Variants in ZRANB3 observed in about 807,000 individuals in gnomAD.
ZRANB3 encodes zinc finger RANBP2-type containing 3, also known as DNA annealing helicase and endonuclease ZRANB3.
In ZRANB3, 125 loss-of-function variants were observed where a neutral mutation model predicts 133.8. The observed-to-expected ratio is 0.93, with a 90% CI of 0.81 to 1.08. The LOEUF (loss-of-function observed/expected upper bound fraction) is 1.08. Ranked by LOEUF, ZRANB3 falls within the 50% of genes least tolerant of loss-of-function variation. The pLI, the probability that ZRANB3 is intolerant of heterozygous loss-of-function variation, is 0.00. For missense variants in ZRANB3, 1,229 were observed against 1,275.5 expected (o/e 0.96, Z 0.56); for synonymous variants, 387 against 432.7 (o/e 0.89, Z 1.31).
At chr2:135,238,184 G>T (rs1324268558) in intron 12 of ZRANB3, among the ~76,000 whole-genome samples, 1 of 152,194 alleles carries the variant, frequency 6.6e-6, no homozygotes. Flanking sequence ...CAGAGGTGGA[G>T]TTGGGAACTA....
intron 6 of ZRANB3, among the ~76,000 whole-genome samples, chr2:135,333,686 G>T (rs930063109): frequency 6.6e-6 from 1 of 152,136 alleles, no homozygotes; most frequent in African/African-American, 2.4e-5. Context: ...AATCTGTAAT[G>T]ATGAAAAAGT....
chr2:135,273,227 C>T (rs1680626136), intron 9 of ZRANB3, among the ~76,000 whole-genome samples: 1 of 150,496 alleles, frequency 6.6e-6, no homozygotes, highest in African/African-American at 2.4e-5. Context: ...AATCATTATT[C>T]AACTTCTAAA....
intron 3 of ZRANB3, among the ~76,000 whole-genome samples, chr2:135,375,622 T>C (rs536075536): frequency 1.1e-4 from 17 of 152,024 alleles, no homozygotes; most frequent in African/African-American, 3.4e-4. Context: ...GAGGCGGAGC[T>C]TGCAGTGAGC....
chr2:135,206,651 G>C (rs1366366144), intron 19 of ZRANB3, among the ~76,000 whole-genome samples: 1 of 149,512 alleles, frequency 6.7e-6, no homozygotes, highest in Admixed American at 6.8e-5. Flanking sequence ...AAAAGAAAGA[G>C]AGGAAAGGAA....
At chr2:135,347,083 T>C (rs1298750398) in intron 5 of ZRANB3, among the ~76,000 whole-genome samples, 3 of 152,214 alleles carry the variant, frequency 2.0e-5, no homozygotes, top group Non-Finnish European at 4.4e-5. Context: ...GCATAGTGCT[T>C]TCAAAGTTAA....
intron 10 of ZRANB3, among the ~76,000 whole-genome samples, chr2:135,270,794 A>G (rs1680476744): frequency 6.6e-6 from 1 of 152,222 alleles, no homozygotes; most frequent in African/African-American, 2.4e-5. Flanking sequence ...GGCATGTACC[A>G]GCTTGGCTGA....
chr2:135,380,490 G>C (rs1686641029), intron 3 of ZRANB3, among the ~76,000 whole-genome samples: 1 of 152,162 alleles, frequency 6.6e-6, no homozygotes, highest in African/African-American at 2.4e-5. Flanking sequence ...AATCAAATTA[G>C]AATTCAGGAT....
intron 19 of ZRANB3, among the ~76,000 whole-genome samples, chr2:135,203,612 C>CA (rs1051712787): frequency 0.3 from 18,033 of 61,042 alleles, 2,735 homozygotes; most frequent in African/African-American, 0.48. Flanking sequence ...GACTCGGTCT[C>CA]AAAAAAAAAA....
intron 2 of ZRANB3, among the ~76,000 whole-genome samples, chr2:135,422,425 T>C (rs1431025754): frequency 6.6e-6 from 1 of 152,042 alleles, no homozygotes; most frequent in Non-Finnish European, 1.5e-5. Context: ...TGTCTGCTGG[T>C]TGAAAATATT....
At chr2:135,436,482 G>T (rs888510799) in intron 2 of ZRANB3, among the ~76,000 whole-genome samples, 1 of 152,032 alleles carries the variant, frequency 6.6e-6, no homozygotes, top group African/African-American at 2.4e-5. Context: ...GCCAAACCAA[G>T]AGCCAAATCA....
chr2:135,418,614 T>C (rs887360197), intron 2 of ZRANB3, among the ~76,000 whole-genome samples: 3 of 152,202 alleles, frequency 2.0e-5, no homozygotes, highest in Admixed American at 2.0e-4. Context: ...TTAGGACTTA[T>C]ATATGGGTGG....
chr2:135,349,825 C>T (rs1206260829), intron 5 of ZRANB3, among the ~76,000 whole-genome samples, 159 bp downstream of exon 5: 1 of 152,112 alleles, frequency 6.6e-6, no homozygotes, highest in Non-Finnish European at 1.5e-5. Flanking sequence ...TTAAAATAGC[C>T]ATGATAAAAC....
At chr2:135,360,316 G>A (rs1356261579) in intron 3 of ZRANB3, among the ~76,000 whole-genome samples, 1 of 152,058 alleles carries the variant, frequency 6.6e-6, no homozygotes, top group African/African-American at 2.4e-5. Context: ...GGGAGGCGGA[G>A]GTTGCAGTGA....
chr2:135,398,521 C>CTTTTTTTTTTTTTT (rs374119156), intron 2 of ZRANB3, among the ~76,000 whole-genome samples: 1 of 123,910 alleles, frequency 8.1e-6, no homozygotes, highest in Non-Finnish European at 1.6e-5. Context: ...TCTTTTGTCA[C>CTTTTTTTTTTTTTT]TTTTTTTTTT....
At chr2:135,268,781 AGAG>A (rs555246401) in intron 11 of ZRANB3, among the ~76,000 whole-genome samples, 178 bp downstream of exon 11, 91 of 152,240 alleles carry the variant, frequency 6.0e-4, no homozygotes, top group African/African-American at 1.8e-3. Flanking sequence ...CTCTTATTAC[AGAG>A]GAGAGCAGAC....
intron 2 of ZRANB3, among the ~76,000 whole-genome samples, chr2:135,497,778 C>T (rs1012746759): frequency 2.6e-5 from 4 of 152,052 alleles, no homozygotes; most frequent in Non-Finnish European, 5.9e-5. Flanking sequence ...TGAGGCTGAG[C>T]GCGGTGGCTC....
intron 2 of ZRANB3, among the ~76,000 whole-genome samples, chr2:135,406,910 A>G (rs777510073): frequency 3.9e-5 from 6 of 152,224 alleles, no homozygotes; most frequent in Non-Finnish European, 8.8e-5. Context: ...AAAACATGGC[A>G]CAAGACAGGG....
At chr2:135,254,710 C>T (rs1297047274) in intron 12 of ZRANB3, among the ~76,000 whole-genome samples, 1 of 152,074 alleles carries the variant, frequency 6.6e-6, no homozygotes, top group Non-Finnish European at 1.5e-5. Flanking sequence ...TTAGTATATT[C>T]AGACTTTGGC....
At chr2:135,449,579 C>T (rs771911385) in intron 2 of ZRANB3, among the ~76,000 whole-genome samples, 2 of 152,126 alleles carry the variant, frequency 1.3e-5, no homozygotes, top group Non-Finnish European at 2.9e-5. Context: ...GAGATTGCTC[C>T]ACTACACTCC....
Sources: gnomAD v4.1 joint callset for allele counts (sites outside exome capture counted in the v4.1 genomes callset) on GRCh38, gnomAD v4.1.1 for gene constraint, MANE v1.5 for transcripts, NCBI Gene and HGNC (gene_info 2026-07-23, HGNC 2026-07-21) for gene names.